Variants in CHN2 observed in about 807,000 individuals in gnomAD.
CHN2 encodes the protein chimerin 2.
In CHN2, 35 loss-of-function variants were observed where a neutral mutation model predicts 56.3. The ratio of observed to expected loss-of-function variants is 0.62; its 90% CI spans 0.47 to 0.82. CHN2 has a LOEUF of 0.82. Among genes scored for constraint, CHN2 ranks in the 40% least tolerant of loss-of-function variants. The pLI is 0.00. For missense variants in CHN2, 491 were observed against 580.5 expected, an observed-to-expected ratio of 0.85 and a Z score of 1.58; for synonymous variants, 210 against 212.8, an observed-to-expected ratio of 0.99 and a Z score of 0.12.
intron 2 of CHN2, among the ~76,000 whole-genome samples, chr7:29,358,665 C>T (rs183251185): frequency 0.011 from 1,617 of 152,070 alleles, 10 homozygotes; most frequent in Non-Finnish European, 0.016. Context: ...AGGGTTTCAC[C>T]CTGTTAGCCA....
At chr7:29,489,438 T>C (rs1788405720) in intron 7 of CHN2, among the ~76,000 whole-genome samples, 1 of 152,240 alleles carries the variant, frequency 6.6e-6, no homozygotes, top group Non-Finnish European at 1.5e-5. Flanking sequence ...GACCAGTGAA[T>C]TTTAAGATAC....
chr7:29,189,487 G>A (rs1006959346), intron 2 of CHN2, among the ~76,000 whole-genome samples: 1 of 152,122 alleles, frequency 6.6e-6, no homozygotes, highest in Non-Finnish European at 1.5e-5. Context: ...GCCCAGAGCA[G>A]GCTTACAGCT....
chr7:29,373,213 C>T (rs111288815), intron 3 of CHN2, among the ~76,000 whole-genome samples: 2,052 of 150,818 alleles, frequency 0.014, 42 homozygotes, highest in African/African-American at 0.046. Flanking sequence ...CTTGCTTTGT[C>T]GCCCCCGAGC....
Position 29,480,319 on chromosome 7 carries a change from A to T in CHN2, c.617A>T (p.Asp206Val). The change falls in exon 7 of 13, where the codon GAC becomes GTC. Residue 206 changes from aspartate to valine, a missense_variant. Transcript: ENST00000222792. ...LVRRAALTHN[D>V]NHFNYEKTHN... ...CGAAGGGCTGCCCTCACACACAACG[A>T]CAACCACTTCAATTATGAGAAGACA... The T allele has an allele frequency of 6.2e-7, 1 of 1,614,206 alleles. No homozygotes were observed. Among genetic ancestry groups the T allele is most frequent in the Admixed American group, 1.7e-5 (1 of 60,030 alleles).
intron 5 of CHN2, among the ~76,000 whole-genome samples, chr7:29,400,060 A>T (rs1175745160): frequency 6.6e-6 from 1 of 152,148 alleles, no homozygotes; most frequent in Non-Finnish European, 1.5e-5. Flanking sequence ...GGTGGTAAAG[A>T]TGCGTTAACA....
In CHN2 at chr7:29,368,002, A is replaced by C. The variant is rs546290259; in HGVS notation, c.144+15A>C. On this transcript the variant is annotated intron_variant, in intron 3 of 12. Coordinates refer to ENST00000222792, the MANE Select transcript of CHN2 (RefSeq NM_004067.4). ...GTCCTCGGGAGGTCAGTGCTCAGCT[A>C]TTTCCAATACACCTTGTTAAATATG... 1.9e-6 allele frequency: 3 copies of C among 1,604,716 alleles called. No homozygotes were observed. The South Asian group carries it at 3.3e-5, about 18-fold the overall frequency.
chr7:29,300,008 A>T (rs755023371), intron 1 of CHN2, among the ~76,000 whole-genome samples: 1 of 152,178 alleles, frequency 6.6e-6, no homozygotes, highest in Non-Finnish European at 1.5e-5. Flanking sequence ...CAGAGTACTG[A>T]GTGCAAATTA....
At chr7:29,239,851 G>A (rs776555691) in intron 1 of CHN2, among the ~76,000 whole-genome samples, 4 of 152,272 alleles carry the variant, frequency 2.6e-5, no homozygotes, top group South Asian at 2.1e-4. Context: ...GGGCAGCACT[G>A]GTCCCCTCCC....
chr7:29,313,345 C>G (rs541961262), intron 1 of CHN2, among the ~76,000 whole-genome samples: 1 of 152,308 alleles, frequency 6.6e-6, no homozygotes, highest in East Asian at 1.9e-4. Flanking sequence ...AGTCAAGGCC[C>G]TATGAACCCA....
chr7:29,433,694 T>C (rs1322123049), intron 6 of CHN2, among the ~76,000 whole-genome samples: 2 of 151,816 alleles, frequency 1.3e-5, no homozygotes, highest in Non-Finnish European at 2.9e-5. Flanking sequence ...AAAAAGTTAG[T>C]TGGGTGTGGT....
intron 1 of CHN2, among the ~76,000 whole-genome samples, chr7:29,302,076 G>A (rs1368369430): frequency 6.6e-6 from 1 of 152,222 alleles, no homozygotes; most frequent in African/African-American, 2.4e-5. Context: ...AGAATTCCAA[G>A]GATAAGGACC....
At chr7:29,199,114 G>T (rs542834437) in intron 1 of CHN2, among the ~76,000 whole-genome samples, 1 of 152,300 alleles carries the variant, frequency 6.6e-6, no homozygotes, top group African/African-American at 2.4e-5. Context: ...TGTGGGCCAG[G>T]TAAATCATGC....
chr7:29,226,785 T>C (rs1292356207), intron 1 of CHN2, among the ~76,000 whole-genome samples: 1 of 152,238 alleles, frequency 6.6e-6, no homozygotes, highest in Non-Finnish European at 1.5e-5. Flanking sequence ...ATAACGAAGA[T>C]AATTTTATTG....
intron 3 of CHN2, among the ~76,000 whole-genome samples, chr7:29,368,645 G>C (rs931621641): frequency 6.6e-6 from 1 of 152,100 alleles, no homozygotes; most frequent in Non-Finnish European, 1.5e-5. Context: ...TAAATATAGA[G>C]CCACGGATAG....
chr7:29,504,405 T>C (rs956494999), intron 9 of CHN2, among the ~76,000 whole-genome samples: 1 of 152,220 alleles, frequency 6.6e-6, no homozygotes, highest in African/African-American at 2.4e-5. Context: ...CTTCCTACGA[T>C]GACGAAATTC....
chr7:29,315,290 G>C (rs1794881347), intron 1 of CHN2, among the ~76,000 whole-genome samples: 1 of 152,124 alleles, frequency 6.6e-6, no homozygotes, highest in Non-Finnish European at 1.5e-5. Context: ...TGCTTATTTT[G>C]ATCTGCTCCA....
intron 1 of CHN2, among the ~76,000 whole-genome samples, chr7:29,215,394 G>A (rs1425571994): frequency 6.6e-5 from 10 of 152,000 alleles, no homozygotes; most frequent in African/African-American, 2.2e-4. Context: ...TCATTCTTTC[G>A]ACTTCTGTAA....
intron 6 of CHN2, among the ~76,000 whole-genome samples, chr7:29,421,804 T>C (rs1241119980): frequency 1.3e-5 from 2 of 152,144 alleles, no homozygotes; most frequent in African/African-American, 4.8e-5. Context: ...AGCACCCCCA[T>C]CCTTGCCATG....
At chr7:29,467,038 T>C (rs1335932134) in intron 6 of CHN2, among the ~76,000 whole-genome samples, 3 of 152,234 alleles carry the variant, frequency 2.0e-5, no homozygotes, top group Non-Finnish European at 4.4e-5. Flanking sequence ...TACATTTTTT[T>C]ATGAAGCATA....
Sources: allele counts gnomAD v4.1 joint callset (sites outside exome capture counted in the v4.1 genomes callset), GRCh38; gene constraint gnomAD v4.1.1; transcripts MANE v1.5; gene names NCBI Gene and HGNC (gene_info 2026-07-23, HGNC 2026-07-21).